The following ZC3H13 variants were observed in gnomAD, a reference collection of about 807,000 sequenced individuals.
The protein encoded by ZC3H13 is zinc finger CCCH domain-containing protein 13.
A neutral mutation model predicts 204.1 loss-of-function variants in ZC3H13; 64 were observed. The observed-to-expected ratio is 0.31, with a 90% CI of 0.26 to 0.39. The LOEUF (loss-of-function observed/expected upper bound fraction) is 0.39, where lower values mean the gene tolerates loss of function less well. Ranked by LOEUF, ZC3H13 falls within the 10% of genes least tolerant of loss-of-function variation. The probability of loss-of-function intolerance (pLI) is 1.00; values close to 1 mark genes in which losing one functional copy is unlikely to be tolerated. For missense variants in ZC3H13, 1,833 were observed against 2,082.7 expected (o/e 0.88, Z 2.33); for synonymous variants, 667 against 693.7 (o/e 0.96, Z 0.60).
Position 45,957,101 on chromosome 13 carries a change from C to T in ZC3H13, c.*26G>A. On this transcript the variant is annotated 3_prime_UTR_variant, in exon 19 of 19. Transcript: ENST00000679008. ...ATGCACTGCTGAAGGAAGACAGTAC[C>T]AAAAATACCATATTGAACTTCGGTC... is the stretch of plus-strand genomic sequence containing the variant. 1 of 1,429,856 alleles carries T rather than the reference C, an allele frequency of 7.0e-7. No homozygotes were observed. The highest frequency in any genetic ancestry group is 9.3e-7 in the Non-Finnish European group (1 of 1,078,568). 88.6% of individuals were successfully genotyped at this position (1,429,856 alleles called of 1,614,324 possible). A position where few individuals can be genotyped will look rare whatever the true frequency, so the allele number is the denominator to read the frequency against.
chr13:45,984,725 GA>G (rs1954018929), intron 10 of ZC3H13, among the ~76,000 whole-genome samples: 2 of 152,180 alleles, frequency 1.3e-5, no homozygotes, highest in African/African-American at 4.8e-5. Context: ...AAAGCAGGTG[GA>G]GGTAAAGAGA....
At chr13:46,024,084 A>T (rs1242346587) in intron 4 of ZC3H13, among the ~76,000 whole-genome samples, 2 of 152,220 alleles carry the variant, frequency 1.3e-5, no homozygotes, top group African/African-American at 2.4e-5. Context: ...CCCAGCCATG[A>T]AAGTGGGATC....
In ZC3H13 at chr13:46,045,515, T is replaced by C. The variant is rs2043888158; in HGVS notation, c.-8A>G. On this transcript the variant is annotated splice_region_variant and 5_prime_UTR_variant, in exon 2 of 19. The change creates a new upstream start codon in the 5' untranslated region. Transcript: ENST00000679008. ...CCTTCTAATTTTTGACATTTTGTAC[T>C]ACTTCAACCAAAAAAGAAAGAGGCA... is the stretch of plus-strand genomic sequence containing the variant. The C allele has an allele frequency of 6.2e-7, 1 of 1,606,380 alleles. No homozygotes were observed. Among genetic ancestry groups the C allele is most frequent in the Non-Finnish European group, 8.5e-7 (1 of 1,173,004 alleles).
At chr13:45,961,371 A>C (rs1359871808) in intron 17 of ZC3H13, among the ~76,000 whole-genome samples, 2 of 151,980 alleles carry the variant, frequency 1.3e-5, no homozygotes, top group African/African-American at 2.4e-5. Flanking sequence ...CATACCTGCA[A>C]ACCTCCTCAG....
intron 4 of ZC3H13, among the ~76,000 whole-genome samples, chr13:46,038,458 T>C (rs2043352166): frequency 6.6e-6 from 1 of 152,230 alleles, no homozygotes; most frequent in Non-Finnish European, 1.5e-5. Flanking sequence ...ATGAATTTGA[T>C]AACCACAAGA....
intron 5 of ZC3H13, among the ~76,000 whole-genome samples, chr13:46,015,257 G>A (rs1416067018): frequency 3.9e-5 from 6 of 152,040 alleles, no homozygotes; most frequent in African/African-American, 1.4e-4. Context: ...GTAAGATTGA[G>A]CATTTATTGG....
intron 8 of ZC3H13, among the ~76,000 whole-genome samples, chr13:45,991,012 G>A (rs886846530): frequency 2.0e-5 from 3 of 151,970 alleles, no homozygotes; most frequent in Non-Finnish European, 2.9e-5. Context: ...ACTATACCCC[G>A]GTTGGTCTTG....
intron 4 of ZC3H13, among the ~76,000 whole-genome samples, chr13:46,023,444 C>T (rs960821334): frequency 5.3e-5 from 8 of 152,146 alleles, no homozygotes; most frequent in Admixed American, 2.0e-4. Context: ...ACTTCTTTCA[C>T]GTGCTAGCCC....
chr13:45,969,050 A>G lies in ZC3H13; in HGVS notation c.3494T>C (p.Val1165Ala), dbSNP rs148627174. ...CACGTGAGGCGTCTCTACTTTTTCT[A>G]CTCGTGTTCTGTGGCATTTTCTGTG... ...DSHRKCHRTR[V>A]EKVETPHVTI... Residue 1165 changes from valine (V) to alanine (A), a missense_variant, in exon 14 of 19, where the codon GTA becomes GCA. By Grantham distance (64) the Val-to-Ala change is moderately conservative. Around this residue, in one of 5 missense-constraint regions of ZC3H13, gnomAD observed 1,574 missense variants for 1,757.2 expected, o/e 0.90. Coordinates refer to ENST00000679008, the MANE Select transcript of ZC3H13 (RefSeq NM_001330564.2). 5.4e-3 allele frequency: 8,698 copies of G among 1,613,604 alleles called. 51 individuals carry two copies. The highest frequency in any genetic ancestry group is 5.9e-3 in the Non-Finnish European group (7,007 of 1,179,922).
At chr13:46,048,232 T>C (rs976592668) in intron 1 of ZC3H13, among the ~76,000 whole-genome samples, 43 of 152,318 alleles carry the variant, frequency 2.8e-4, no homozygotes, top group African/African-American at 9.9e-4. Flanking sequence ...CCTTGACCTA[T>C]TGCTTTGCTG....
intron 5 of ZC3H13, among the ~76,000 whole-genome samples, chr13:46,015,941 A>C (rs755294473): frequency 6.6e-6 from 1 of 152,134 alleles, no homozygotes; most frequent in Non-Finnish European, 1.5e-5. Context: ...ACAAGAAAAA[A>C]AAAACAGGTA....
Position 45,985,768 on chromosome 13 carries a change from T to C in ZC3H13, c.1256-7A>G, listed in dbSNP as rs753428201. ...TCTCGTTTGCCCCTAGTATCTGTAA[T>C]GCAATTTTGGAAATTGACTGTAATT... On this transcript the variant is annotated splice_region_variant and splice_polypyrimidine_tract_variant and intron_variant, in intron 9 of 18. Transcript: ENST00000679008. The C allele has an allele frequency of 8.2e-6, 13 of 1,575,818 alleles. No homozygotes were observed. Among genetic ancestry groups the C allele is most frequent in the Non-Finnish European group, 1.1e-5 (13 of 1,165,274 alleles).
chr13:45,991,299 A>G (rs1303470407), intron 8 of ZC3H13, among the ~76,000 whole-genome samples: 1 of 152,236 alleles, frequency 6.6e-6, no homozygotes, highest in Non-Finnish European at 1.5e-5. Flanking sequence ...TTAGGGTCCA[A>G]TCATGTTTCT....
intron 1 of ZC3H13, among the ~76,000 whole-genome samples, chr13:46,046,532 G>C (rs928966107): frequency 2.0e-5 from 3 of 149,590 alleles, no homozygotes; most frequent in Non-Finnish European, 4.4e-5. Flanking sequence ...GCTGGGCATG[G>C]TGGCGGGCGC....
rs777813053 is a variant in ZC3H13, at chr13:46,045,514, C to T, written c.-7G>A. Reference sequence around the variant, plus strand: ...TCCTTCTAATTTTTGACATTTTGTACTACTTCAACCAAAAAAGAAAGAGGC... The same window carrying T: ...TCCTTCTAATTTTTGACATTTTGTATTACTTCAACCAAAAAAGAAAGAGGC... On this transcript the variant is annotated splice_region_variant and 5_prime_UTR_variant, in exon 2 of 19. Coordinates refer to ENST00000679008, the MANE Select transcript of ZC3H13 (RefSeq NM_001330564.2). 2.1e-5 allele frequency: 33 copies of T among 1,607,282 alleles called. No homozygotes were observed. Among genetic ancestry groups the T allele is most frequent in the Non-Finnish European group, 1.7e-6 (2 of 1,174,040 alleles).
At chr13:46,005,906 C>A (rs919847499) in intron 7 of ZC3H13, among the ~76,000 whole-genome samples, 14 of 151,950 alleles carry the variant, frequency 9.2e-5, no homozygotes, top group Admixed American at 2.6e-4. Flanking sequence ...ACCAGCATGA[C>A]CAACATGGTG....
chr13:45,972,629 C>T (rs1450068295), intron 12 of ZC3H13, among the ~76,000 whole-genome samples: 7 of 152,138 alleles, frequency 4.6e-5, no homozygotes, highest in Admixed American at 4.6e-4. Context: ...TAGACAGCTC[C>T]TTTATATAGA....
At chr13:46,051,788 C>T (rs2044443165) in intron 1 of ZC3H13, 1 of 152,168 alleles carries the variant, frequency 6.6e-6, no homozygotes, top group East Asian at 1.9e-4. Context: ...ATCTTACCAA[C>T]ATAATTCAAG....
rs139292969 is a variant in ZC3H13 at position 46,013,285 on chromosome 13, G to A, written c.449-1731C>T. On this transcript the variant is annotated intron_variant, in intron 5 of 18. Transcript: ENST00000679008. ...AAAAATTAGCTGGGCGAGGTGGCGC[G>A]TGCCTAGAGTCCCAGCTACTCAGGA... Among the ~76,000 whole-genome samples, 713 of 152,122 alleles carry A rather than the reference G, an allele frequency of 4.7e-3. 5 individuals carry two copies. The highest frequency in any genetic ancestry group is 0.037 in the Middle Eastern group (11 of 294).
Sources: gnomAD v4.1 joint callset for allele counts (sites outside exome capture counted in the v4.1 genomes callset) on GRCh38, gnomAD v4.1.1 for gene constraint, gnomAD v4.1.1 regional missense constraint, MANE v1.5 for transcripts, NCBI Gene and HGNC (gene_info 2026-07-23, HGNC 2026-07-21) for gene names.